The following TRPC3 variants were observed in gnomAD, a reference collection of about 807,000 sequenced individuals.
TRPC3 encodes transient receptor potential cation channel subfamily C member 3, also known as short transient receptor potential channel 3.
In TRPC3, 54 loss-of-function variants were observed where a neutral mutation model predicts 90.9. The observed-to-expected ratio is 0.59, with a 90% CI of 0.48 to 0.75. The LOEUF is 0.75. TRPC3 is among the 30% of genes least tolerant of loss of function. TRPC3 has a pLI of 0.00. For synonymous variants in TRPC3, 424 were observed against 450.9 expected, an observed-to-expected ratio of 0.94 and a Z score of 0.75; for missense variants, 918 against 1,194.5, an observed-to-expected ratio of 0.77 and a Z score of 3.41.
At chr4:121,891,940 G>T (rs953691) in intron 10 of TRPC3, among the ~76,000 whole-genome samples, 43,481 of 152,032 alleles carry the variant, frequency 0.29, 6,936 homozygotes, top group East Asian at 0.43. Context: ...TGCACTGCAT[G>T]CATAAATAAT....
intron 3 of TRPC3, among the ~76,000 whole-genome samples, chr4:121,923,433 C>A (rs1443642468): frequency 6.6e-6 from 1 of 152,132 alleles, no homozygotes; most frequent in Non-Finnish European, 1.5e-5. Flanking sequence ...TTACTAAGGA[C>A]TTGATTCAGT....
chr4:121,914,654 T>C, intron 4 of TRPC3, 126 bp downstream of exon 4: 1 of 1,016,062 alleles, frequency 9.8e-7, no homozygotes. Flanking sequence ...GGAGAATCTG[T>C]GTTCTTGAAT....
chr4:121,884,386 C>T (rs1326067939), intron 10 of TRPC3, among the ~76,000 whole-genome samples: 1 of 152,082 alleles, frequency 6.6e-6, no homozygotes, highest in South Asian at 2.1e-4. Flanking sequence ...AGGCAATGGA[C>T]GGATAATGTT....
chr4:121,947,009 C>T (rs533837850), intron 1 of TRPC3, among the ~76,000 whole-genome samples: 19 of 151,512 alleles, frequency 1.3e-4, no homozygotes, highest in African/African-American at 3.4e-4. Flanking sequence ...ATAGTGAGAC[C>T]TCATCGATAC....
In TRPC3 at chr4:121,875,013, T is replaced by C. The variant is rs1021789559; in HGVS notation, c.*4723A>G. 1.3e-5 allele frequency among the ~76,000 whole-genome samples: 2 copies of C among 151,882 alleles called. No homozygotes were observed. Among genetic ancestry groups the C allele is most frequent in the African/African-American group, 4.8e-5 (2 of 41,310 alleles). On this transcript the variant is annotated 3_prime_UTR_variant, in exon 12 of 12. Coordinates refer to ENST00000379645, the MANE Select transcript of TRPC3 (RefSeq NM_001130698.2). ...AAAATGAAAAGTAAAGATAAACATT[T>C]CAATATGTCACAACAATGTTTAAAT...
chr4:121,879,665 A>C lies in TRPC3; in HGVS notation c.*71T>G. On this transcript the variant is annotated 3_prime_UTR_variant, in exon 12 of 12. Coordinates refer to ENST00000379645, the MANE Select transcript of TRPC3 (RefSeq NM_001130698.2). ...CTAAAAATTTACATCATAGTTTTTC[A>C]AGTATTTCATACTTAGAAATATTAT... 6.7e-7 allele frequency: 1 copy of C among 1,494,096 alleles called. No individual in the cohort carries two copies. The highest frequency in any genetic ancestry group is 9.0e-7 in the Non-Finnish European group (1 of 1,110,896). The allele number at this position is 1,494,096 out of a possible 1,614,324, so 92.6% of individuals were successfully genotyped here.
At position 121,914,867 on chromosome 4, in the gene TRPC3, G is replaced by A; in HGVS notation, c.1254C>T (p.Thr418=). ...YENLSGLREQ[T]IAIKCLVVLV... ...GCACAACGAGACACTTGATAGCTATGGTCTGCTCCCTTAGGCCTGAGAGGT... is the reference window on the plus strand; with the variant it reads ...GCACAACGAGACACTTGATAGCTATAGTCTGCTCCCTTAGGCCTGAGAGGT... Residue 418 remains threonine (T), a synonymous_variant, in exon 4 of 12, where the codon ACC becomes ACT. Coordinates refer to ENST00000379645, the MANE Select transcript of TRPC3 (RefSeq NM_001130698.2). 4 of 1,613,948 alleles carry A rather than the reference G, an allele frequency of 2.5e-6. No individual in the cohort carries two copies. The highest frequency in any genetic ancestry group is 3.4e-6 in the Non-Finnish European group (4 of 1,179,888).
rs1446275099 is a variant in TRPC3, at chr4:121,907,328, C to T, written c.2032G>A (p.Ala678Thr). The T allele has an allele frequency of 6.2e-7, 1 of 1,611,446 alleles. No individual in the cohort carries two copies. The highest frequency in any genetic ancestry group is 1.1e-5 in the South Asian group (1 of 90,512). Residue 678 changes from alanine to threonine, a missense_variant, in exon 7 of 12, where the codon GCT becomes ACT. By Grantham distance (58) the Ala-to-Thr change is moderately conservative. This residue lies in a region of TRPC3 where 147 missense variants were observed against 263.5 expected (regional missense o/e 0.56). Transcript: ENST00000379645. ...MFILYSYYLG[A>T]KVNAAFTTVE... Reference sequence around the variant, plus strand: ...GTGGTAAAAGCAGCATTAACTTTAGCCCCAAGGTAGTAAGAATAAAGTATG... The same window carrying T: ...GTGGTAAAAGCAGCATTAACTTTAGTCCCAAGGTAGTAAGAATAAAGTATG...
At position 121,914,779 on chromosome 4, in the gene TRPC3, C is replaced by A; in HGVS notation, c.1341+1G>T. ...AGGAAATAGATGTAGAAAGCAAGTA[C>A]CCTGCTGCAAGGTGCGATCCAGTAG... On this transcript the variant is annotated splice_donor_variant, in intron 4 of 11. Coordinates refer to ENST00000379645, the MANE Select transcript of TRPC3 (RefSeq NM_001130698.2). LOFTEE classifies it high-confidence loss of function. 3 of 1,600,654 alleles carry A rather than the reference C, an allele frequency of 1.9e-6. No homozygotes were observed. Among genetic ancestry groups the A allele is most frequent in the Non-Finnish European group, 2.6e-6 (3 of 1,170,382 alleles).
chr4:121,877,470 C>G lies in TRPC3; in HGVS notation c.*2266G>C, dbSNP rs1008330733. On this transcript the variant is annotated 3_prime_UTR_variant, in exon 12 of 12. Transcript: ENST00000379645. ...CCATCAGTCACTGGCCATGGGGAGGCGGAGGCATCACATCCCGAGCAAGGC... is the reference window on the plus strand; with the variant it reads ...CCATCAGTCACTGGCCATGGGGAGGGGGAGGCATCACATCCCGAGCAAGGC... Among the ~76,000 whole-genome samples the G allele has an allele frequency of 6.6e-6, 1 of 152,004 alleles. No homozygotes were observed. The highest frequency in any genetic ancestry group is 2.4e-5 in the African/African-American group (1 of 41,374).
intron 10 of TRPC3, among the ~76,000 whole-genome samples, 158 bp downstream of exon 10, chr4:121,899,454 T>C (rs1216181865): frequency 6.6e-6 from 1 of 152,158 alleles, no homozygotes; most frequent in Non-Finnish European, 1.5e-5. Context: ...TTTAAAAAAT[T>C]TCACAGGTGT....
At chr4:121,891,177 A>C (rs956509619) in intron 10 of TRPC3, among the ~76,000 whole-genome samples, 1 of 152,178 alleles carries the variant, frequency 6.6e-6, no homozygotes, top group African/African-American at 2.4e-5. Context: ...CCACATCAAC[A>C]TTCCATTTCA....
chr4:121,906,478 C>T (rs1476089094), intron 7 of TRPC3, among the ~76,000 whole-genome samples: 2 of 152,194 alleles, frequency 1.3e-5, no homozygotes, highest in Non-Finnish European at 1.5e-5. Flanking sequence ...GTCTCTTTCA[C>T]CTCTAAGACC....
rs1727728832 is a variant in TRPC3, at chr4:121,875,110, A to G, written c.*4626T>C. ...TCATACAAATTAATAATGAAGAAATACTATGGTTCTAATAAATAGGTAAAA... is the reference window on the plus strand; with the variant it reads ...TCATACAAATTAATAATGAAGAAATGCTATGGTTCTAATAAATAGGTAAAA... On this transcript the variant is annotated 3_prime_UTR_variant, in exon 12 of 12. Coordinates refer to ENST00000379645, the MANE Select transcript of TRPC3 (RefSeq NM_001130698.2). Among the ~76,000 whole-genome samples the G allele has an allele frequency of 7.0e-6, 1 of 143,336 alleles. No individual in the cohort carries two copies. Among genetic ancestry groups the G allele is most frequent in the Non-Finnish European group, 1.5e-5 (1 of 66,444 alleles). The allele number at this position is 143,336 out of a possible 152,430, so 94.0% of individuals were successfully genotyped here. A position where few individuals can be genotyped will look rare whatever the true frequency, so the allele number is the denominator to read the frequency against.
chr4:121,948,993 T>A (rs1019889871), intron 1 of TRPC3, among the ~76,000 whole-genome samples: 1 of 152,200 alleles, frequency 6.6e-6, no homozygotes, highest in African/African-American at 2.4e-5. Flanking sequence ...AAAGTTGTCA[T>A]GCTTATCTTT....
chr4:121,922,743 A>G (rs940949866), intron 3 of TRPC3, among the ~76,000 whole-genome samples: 4 of 152,224 alleles, frequency 2.6e-5, no homozygotes, highest in South Asian at 2.1e-4. Flanking sequence ...ATGTGTGAAT[A>G]TATGTCTAGA....
intron 5 of TRPC3, 28 bp downstream of exon 5, chr4:121,911,849 A>T: frequency 1.3e-6 from 2 of 1,572,522 alleles, no homozygotes; most frequent in Non-Finnish European, 1.7e-6. Context: ...TTTGGTAGAA[A>T]TTAGGATATT....
chr4:121,908,807 C>T (rs1728981404), intron 6 of TRPC3, among the ~76,000 whole-genome samples: 1 of 152,086 alleles, frequency 6.6e-6, no homozygotes, highest in African/African-American at 2.4e-5. Flanking sequence ...TAGCCCTAAA[C>T]CTCAGAATCA....
At chr4:121,935,527 G>A (rs74918695) in intron 1 of TRPC3, among the ~76,000 whole-genome samples, 5,264 of 151,958 alleles carry the variant, frequency 0.035, 304 homozygotes, top group African/African-American at 0.12. Flanking sequence ...CTATGACAAG[G>A]ATTTTAAACA....
Sources: allele counts gnomAD v4.1 joint callset (sites outside exome capture counted in the v4.1 genomes callset), GRCh38; gene constraint gnomAD v4.1.1; regional missense constraint gnomAD v4.1.1; transcripts MANE v1.5; gene names NCBI Gene and HGNC (gene_info 2026-07-23, HGNC 2026-07-21).